The following GPHN variants were observed in gnomAD, a reference collection of about 807,000 sequenced individuals.
GPHN encodes the protein gephyrin.
Under a neutral mutation model 95.5 loss-of-function variants are expected in GPHN, and 17 were observed. The observed-to-expected ratio is 0.18, with a 90% CI of 0.12 to 0.27. The LOEUF is 0.27. Among genes scored for constraint, GPHN ranks in the 10% least tolerant of loss-of-function variants. GPHN has a pLI of 1.00. For missense variants in GPHN, 660 were observed against 978.1 expected (o/e 0.67, Z 4.34); for synonymous variants, 320 against 322.5 (o/e 0.99, Z 0.08).
At chr14:66,784,337 T>C (rs1390926399) in intron 3 of GPHN, among the ~76,000 whole-genome samples, 1 of 152,054 alleles carries the variant, frequency 6.6e-6, no homozygotes, top group African/African-American at 2.4e-5. Context: ...TCTTCAAGAA[T>C]GAATAAGGAC....
chr14:67,662,479 T>C, the GPHN span: 2 of 1,612,476 alleles, frequency 1.2e-6, no homozygotes, highest in Admixed American at 3.4e-5. Context: ...GTTCTCACCG[T>C]TTCATTTGCT....
chr14:67,410,600 C>T, the GPHN span, among the ~76,000 whole-genome samples: 1 of 152,198 alleles, frequency 6.6e-6, no homozygotes, highest in Non-Finnish European at 1.5e-5. Flanking sequence ...TTACAGCAAA[C>T]AGCCACCGCT....
At chr14:66,525,532 AT>A (rs1171420956) in intron 1 of GPHN, among the ~76,000 whole-genome samples, 1 of 152,064 alleles carries the variant, frequency 6.6e-6, no homozygotes, top group East Asian at 1.9e-4. Flanking sequence ...TTTTGTTGCC[AT>A]TGCTTTTGGT....
At chr14:67,508,397 T>C in the GPHN span, among the ~76,000 whole-genome samples, 2 of 151,982 alleles carry the variant, frequency 1.3e-5, no homozygotes, top group African/African-American at 4.8e-5. Flanking sequence ...CTTGTCCAAA[T>C]GATAAGAAAA....
At chr14:67,531,097 G>A in the GPHN span, among the ~76,000 whole-genome samples, 4 of 152,032 alleles carry the variant, frequency 2.6e-5, no homozygotes, top group Admixed American at 2.0e-4. Flanking sequence ...CCTTTGTCAG[G>A]TCACTTGTAA....
chr14:66,611,798 A>G (rs1218239447), intron 1 of GPHN, among the ~76,000 whole-genome samples: 1 of 152,128 alleles, frequency 6.6e-6, no homozygotes, highest in East Asian at 1.9e-4. Context: ...CATTCTCCCT[A>G]TCATTGCCCT....
chr14:67,506,505 C>G, the GPHN span, among the ~76,000 whole-genome samples: 1 of 152,208 alleles, frequency 6.6e-6, no homozygotes, highest in East Asian at 1.9e-4. Context: ...TCTCTCATCC[C>G]CCCAGTAGCA....
the GPHN span, chr14:67,592,649 C>G: frequency 6.3e-7 from 1 of 1,599,384 alleles, no homozygotes; most frequent in Non-Finnish European, 8.6e-7. Flanking sequence ...AAGACGGGTA[C>G]TACTTGGGAT....
At chr14:66,693,568 A>G (rs1365876716) in intron 2 of GPHN, among the ~76,000 whole-genome samples, 1 of 151,964 alleles carries the variant, frequency 6.6e-6, no homozygotes, top group Non-Finnish European at 1.5e-5. Context: ...GACAAGAGAA[A>G]TTTATATCCC....
At chr14:66,945,863 GCTTCT>G (rs1189575573) in intron 8 of GPHN, among the ~76,000 whole-genome samples, 1 of 152,088 alleles carries the variant, frequency 6.6e-6, no homozygotes, top group Non-Finnish European at 1.5e-5. Flanking sequence ...GGAAGACTGG[GCTTCT>G]CTTTTGATAT....
chr14:67,710,665 C>T, the GPHN span, among the ~76,000 whole-genome samples: 2 of 151,776 alleles, frequency 1.3e-5, no homozygotes, highest in African/African-American at 4.8e-5. Flanking sequence ...TTGTTTTATA[C>T]ATGATCTTTA....
intron 1 of GPHN, among the ~76,000 whole-genome samples, chr14:66,587,600 C>A (rs899357841): frequency 6.6e-6 from 1 of 152,108 alleles, no homozygotes; most frequent in African/African-American, 2.4e-5. Flanking sequence ...TCATACACTA[C>A]ATTAACAAAA....
the GPHN span, among the ~76,000 whole-genome samples, chr14:67,193,152 A>C: frequency 7.0e-6 from 1 of 143,756 alleles, no homozygotes; most frequent in African/African-American, 2.5e-5. Context: ...CTATCTATAT[A>C]TCTCTATATA....
At chr14:67,318,712 T>G in the GPHN span, among the ~76,000 whole-genome samples, 1 of 152,154 alleles carries the variant, frequency 6.6e-6, no homozygotes, top group African/African-American at 2.4e-5. Context: ...GGGCAGTAAC[T>G]ATATGATGTT....
At chr14:67,675,995 GC>G in the GPHN span, among the ~76,000 whole-genome samples, 2 of 152,176 alleles carry the variant, frequency 1.3e-5, no homozygotes, top group African/African-American at 4.8e-5. Flanking sequence ...TACTCGGGAG[GC>G]TGAGGCAGGA....
intron 16 of GPHN, among the ~76,000 whole-genome samples, chr14:67,116,121 G>A (rs1377345292): frequency 6.6e-6 from 1 of 151,968 alleles, no homozygotes; most frequent in Non-Finnish European, 1.5e-5. Flanking sequence ...GGGCAACATG[G>A]CAAAACCCTG....
chr14:66,595,355 G>A (rs956540860), intron 1 of GPHN, among the ~76,000 whole-genome samples: 2 of 152,142 alleles, frequency 1.3e-5, no homozygotes, highest in Admixed American at 6.5e-5. Flanking sequence ...TTTCTGTCAC[G>A]GCATCCTTGG....
chr14:67,646,839 C>A, the GPHN span: 3 of 1,386,272 alleles, frequency 2.2e-6, no homozygotes, highest in South Asian at 2.4e-5. Flanking sequence ...GTCACTACAA[C>A]AAACCCACCC....
intron 11 of GPHN, among the ~76,000 whole-genome samples, chr14:67,064,500 A>G (rs527796456): frequency 7.2e-5 from 11 of 152,272 alleles, no homozygotes; most frequent in African/African-American, 2.4e-4. Context: ...ATAGTTTCAG[A>G]AGGAATGATA....
Sources: allele counts gnomAD v4.1 joint callset (sites outside exome capture counted in the v4.1 genomes callset), GRCh38; gene constraint gnomAD v4.1.1; transcripts MANE v1.5; gene names NCBI Gene and HGNC (gene_info 2026-07-23, HGNC 2026-07-21).